KLRG1: variants seen among roughly 807,000 people sequenced by gnomAD.
KLRG1 encodes killer cell lectin-like receptor subfamily G member 1.
A neutral mutation model predicts 21.8 loss-of-function variants in KLRG1; 16 were observed. The observed-to-expected ratio is 0.73, with a 90% CI of 0.50 to 1.11. The LOEUF is 1.11. KLRG1 is among the 50% of genes most tolerant of loss of function. The pLI, the probability that KLRG1 is intolerant of heterozygous loss-of-function variation, is 0.00. For missense variants in KLRG1, 173 were observed against 218.3 expected (o/e 0.79, Z 1.31); for synonymous variants, 69 against 75.9 (o/e 0.91, Z 0.47).
the KLRG1 span, among the ~76,000 whole-genome samples, chr12:9,149,273 A>G: frequency 1.3e-5 from 2 of 152,242 alleles, no homozygotes; most frequent in African/African-American, 4.8e-5. Flanking sequence ...TGATTAGTTG[A>G]CCATTGTGTT....
At chr12:9,133,712 A>G in the KLRG1 span, among the ~76,000 whole-genome samples, 2 of 152,290 alleles carry the variant, frequency 1.3e-5, no homozygotes, top group East Asian at 1.9e-4. Flanking sequence ...AGACAGAAAT[A>G]AAGTATTCAA....
At chr12:9,203,726 A>G in the KLRG1 span, 1 of 1,602,204 alleles carries the variant, frequency 6.2e-7, no homozygotes, top group Non-Finnish European at 8.5e-7. Flanking sequence ...GCTCAATAAA[A>G]TGTATCAAGC....
chr12:9,106,958 G>A, the KLRG1 span, among the ~76,000 whole-genome samples: 1 of 152,124 alleles, frequency 6.6e-6, no homozygotes, highest in African/African-American at 2.4e-5. Context: ...TGATCACATC[G>A]CGGGATTTAG....
At chr12:9,120,672 A>G in the KLRG1 span, among the ~76,000 whole-genome samples, 5 of 152,206 alleles carry the variant, frequency 3.3e-5, no homozygotes, top group Admixed American at 1.3e-4. Context: ...TTACATATTA[A>G]CTAGTATCAA....
the KLRG1 span, among the ~76,000 whole-genome samples, chr12:9,163,350 G>A: frequency 6.6e-6 from 1 of 151,616 alleles, no homozygotes; most frequent in Admixed American, 6.6e-5. Flanking sequence ...CTACTCGGGA[G>A]GCTGAGGCAG....
chr12:9,097,753 C>T, the KLRG1 span, among the ~76,000 whole-genome samples: 2,419 of 151,982 alleles, frequency 0.016, 67 homozygotes, highest in African/African-American at 0.055. Context: ...CTGCCTCAGC[C>T]TCCTGAGTAG....
chr12:9,106,564 C>G, the KLRG1 span: 6 of 1,593,104 alleles, frequency 3.8e-6, no homozygotes, highest in Non-Finnish European at 5.1e-6. Flanking sequence ...GCTGGAAGAC[C>G]TTGGTTTTTA....
At chr12:9,030,903 A>G in the KLRG1 span, among the ~76,000 whole-genome samples, 1 of 152,332 alleles carries the variant, frequency 6.6e-6, no homozygotes, top group South Asian at 2.1e-4. Flanking sequence ...TGTTCTATGT[A>G]AAGGTTGATA....
At chr12:9,196,902 G>C in the KLRG1 span, 1 of 913,388 alleles carries the variant, frequency 1.1e-6, no homozygotes, top group East Asian at 2.4e-5. Flanking sequence ...GTTTTTTGGT[G>C]GGGGATATTT....
the KLRG1 span, chr12:9,196,741 G>C: frequency 7.1e-7 from 1 of 1,407,408 alleles, no homozygotes; most frequent in Non-Finnish European, 1.0e-6. Context: ...AATAGTCACT[G>C]AATCTACTAT....
At chr12:9,202,239 T>C in the KLRG1 span, 2,087 of 1,299,056 alleles carry the variant, frequency 1.6e-3, 4 homozygotes, top group Middle Eastern at 9.4e-3. Context: ...TCCTCTCGCT[T>C]TTCTTGTACC....
the KLRG1 span, among the ~76,000 whole-genome samples, chr12:9,046,217 A>G: frequency 1.3e-5 from 2 of 152,192 alleles, no homozygotes; most frequent in Non-Finnish European, 1.5e-5. Context: ...AGCCAAAGAG[A>G]AGAAAGGCTG....
chr12:9,066,666 A>G, the KLRG1 span: 3 of 152,260 alleles, frequency 2.0e-5, no homozygotes, highest in African/African-American at 7.2e-5. Flanking sequence ...TAAAGATCCC[A>G]TAATGCTGAT....
At chr12:9,212,931 A>T in the KLRG1 span, among the ~76,000 whole-genome samples, 1 of 152,194 alleles carries the variant, frequency 6.6e-6, no homozygotes, top group East Asian at 1.9e-4. Flanking sequence ...AAGAAACTAC[A>T]TACATGTTAG....
At chr12:9,108,469 A>G in the KLRG1 span, among the ~76,000 whole-genome samples, 1 of 152,164 alleles carries the variant, frequency 6.6e-6, no homozygotes, top group African/African-American at 2.4e-5. Flanking sequence ...TAAATATGTC[A>G]TAGACAATTG....
the KLRG1 span, among the ~76,000 whole-genome samples, chr12:9,120,749 C>T: frequency 5.9e-5 from 9 of 151,876 alleles, no homozygotes; most frequent in South Asian, 2.1e-4. Flanking sequence ...TTGTCTTTGA[C>T]GAAGTATCTT....
At chr12:9,057,757 G>A in the KLRG1 span, 1 of 152,494 alleles carries the variant, frequency 6.6e-6, no homozygotes, top group South Asian at 2.1e-4. Context: ...CGGAACCAGG[G>A]AGGCCTCATC....
At chr12:9,093,665 AAC>A in the KLRG1 span, 1 of 758,742 alleles carries the variant, frequency 1.3e-6, no homozygotes, top group Non-Finnish European at 2.0e-6. Flanking sequence ...AAAAAAAAAA[AAC>A]AAAAAACAAA....
chr12:9,054,901 C>T, the KLRG1 span, among the ~76,000 whole-genome samples: 2 of 152,136 alleles, frequency 1.3e-5, no homozygotes, highest in African/African-American at 4.8e-5. Context: ...TCTGGGTTTC[C>T]AGTTTTTGGA....
Sources: gnomAD v4.1 joint callset for allele counts (sites outside exome capture counted in the v4.1 genomes callset) on GRCh38, gnomAD v4.1.1 for gene constraint, MANE v1.5 for transcripts, NCBI Gene and HGNC (gene_info 2026-07-23, HGNC 2026-07-21) for gene names.